The following TEX2 variants were observed in gnomAD, a reference collection of about 807,000 sequenced individuals.
TEX2 encodes testis expressed 2, also known as testis-expressed protein 2.
Under a neutral mutation model 106.9 loss-of-function variants are expected in TEX2, and 53 were observed. The ratio of observed to expected loss-of-function variants is 0.50; its 90% CI spans 0.40 to 0.62. The LOEUF (loss-of-function observed/expected upper bound fraction) is 0.62, where lower values mean the gene tolerates loss of function less well. Ranked by LOEUF, TEX2 falls within the 20% of genes least tolerant of loss-of-function variation. The pLI, the probability that TEX2 is intolerant of heterozygous loss-of-function variation, is 0.00. For missense variants in TEX2, 1,207 were observed against 1,379.0 expected (o/e 0.88, Z 1.98); for synonymous variants, 523 against 534.8 (o/e 0.98, Z 0.30).
chr17:64,158,552 G>C (rs1016401579), intron 8 of TEX2, among the ~76,000 whole-genome samples: 2 of 152,198 alleles, frequency 1.3e-5, no homozygotes, highest in Non-Finnish European at 2.9e-5. Context: ...CAGCTAATAA[G>C]TATGCTGACC....
chr17:64,222,258 C>T (rs922895467), intron 1 of TEX2, among the ~76,000 whole-genome samples: 3 of 152,042 alleles, frequency 2.0e-5, no homozygotes, highest in African/African-American at 7.2e-5. Context: ...CGGTGGCTCA[C>T]GCTTGTAATC....
chr17:64,193,435 G>T, intron 4 of TEX2, 124 bp downstream of exon 4: 2 of 730,060 alleles, frequency 2.7e-6, no homozygotes, highest in Non-Finnish European at 4.2e-6. Flanking sequence ...TGCACATTAG[G>T]TGGCAGACAA....
At chr17:64,190,284 C>T (rs1353583883) in intron 4 of TEX2, among the ~76,000 whole-genome samples, 1 of 151,690 alleles carries the variant, frequency 6.6e-6, no homozygotes, top group Non-Finnish European at 1.5e-5. Context: ...TAGATGTAAA[C>T]TAATATTACA....
chr17:64,242,826 C>G (rs942307485), intron 1 of TEX2, among the ~76,000 whole-genome samples: 1 of 152,070 alleles, frequency 6.6e-6, no homozygotes, highest in East Asian at 1.9e-4. Flanking sequence ...GGGCTCATAC[C>G]TATGATCCCA....
At chr17:64,204,521 A>G (rs1555630535) in intron 2 of TEX2, among the ~76,000 whole-genome samples, 1 of 152,228 alleles carries the variant, frequency 6.6e-6, no homozygotes, top group Non-Finnish European at 1.5e-5. Context: ...TCTCAACTAG[A>G]AAGAGCAAAG....
intron 1 of TEX2, among the ~76,000 whole-genome samples, chr17:64,233,941 T>C (rs2143337485): frequency 6.6e-6 from 1 of 152,300 alleles, no homozygotes; most frequent in Admixed American, 6.5e-5. Flanking sequence ...TCCTGGGACG[T>C]GGTCCTAACC....
chr17:64,178,890 T>A (rs1373853225), intron 5 of TEX2, among the ~76,000 whole-genome samples: 1 of 152,226 alleles, frequency 6.6e-6, no homozygotes, highest in Non-Finnish European at 1.5e-5. Flanking sequence ...TGTGCCTGGG[T>A]CAGTGCTGTG....
chr17:64,253,423 C>G (rs576471083), intron 1 of TEX2, among the ~76,000 whole-genome samples: 1 of 151,962 alleles, frequency 6.6e-6, no homozygotes, highest in East Asian at 1.9e-4. Flanking sequence ...CCTCAGCCTC[C>G]CCAAGTGTTG....
At chr17:64,182,169 T>TA (rs1284764170) in intron 5 of TEX2, among the ~76,000 whole-genome samples, 6 of 152,146 alleles carry the variant, frequency 3.9e-5, no homozygotes, top group Admixed American at 1.3e-4. Context: ...GATTCTGACT[T>TA]ACGCTACCAC....
At chr17:64,177,875 G>C (rs1009576923) in intron 5 of TEX2, among the ~76,000 whole-genome samples, 1 of 152,126 alleles carries the variant, frequency 6.6e-6, no homozygotes, top group African/African-American at 2.4e-5. Context: ...GTGCTCATCC[G>C]GGCAGACGCC....
In TEX2 at chr17:64,181,857, T is replaced by C. The variant is rs1285110527; in HGVS notation, c.2425-4386A>G. ...TTTTTTTTACAGTTTTACTTAGATA[T>C]AATTCATAGATCATACAATTTTTCC... On this transcript the variant is annotated intron_variant, in intron 5 of 11. Coordinates refer to ENST00000584379, the MANE Select transcript of TEX2 (RefSeq NM_001288732.2). 2.0e-5 allele frequency among the ~76,000 whole-genome samples: 3 copies of C among 151,286 alleles called. No individual in the cohort carries two copies. The East Asian group carries it at 5.8e-4, about 29-fold the overall frequency.
intron 2 of TEX2, among the ~76,000 whole-genome samples, chr17:64,210,969 T>C (rs1029046398): frequency 2.0e-5 from 3 of 151,874 alleles, no homozygotes; most frequent in African/African-American, 4.8e-5. Context: ...ATTATTATTA[T>C]TATTATTTTT....
intron 1 of TEX2, among the ~76,000 whole-genome samples, chr17:64,219,411 C>T (rs529885096): frequency 1.0e-3 from 154 of 152,010 alleles, no homozygotes; most frequent in Non-Finnish European, 1.1e-3. Flanking sequence ...GAGGCTGAGA[C>T]ACAAGAATCG....
intron 6 of TEX2, among the ~76,000 whole-genome samples, chr17:64,174,882 G>C (rs905956700): frequency 2.0e-5 from 3 of 152,182 alleles, no homozygotes; most frequent in Non-Finnish European, 4.4e-5. Flanking sequence ...TGCACACACA[G>C]GGCTGCTTTT....
intron 1 of TEX2, among the ~76,000 whole-genome samples, chr17:64,234,099 A>G (rs2033716323): frequency 6.6e-6 from 1 of 152,258 alleles, no homozygotes; most frequent in South Asian, 2.1e-4. Context: ...AAGTGGAATA[A>G]AAAAGAAACG....
At chr17:64,251,774 A>G (rs1384957857) in intron 1 of TEX2, among the ~76,000 whole-genome samples, 1 of 152,154 alleles carries the variant, frequency 6.6e-6, no homozygotes, top group Non-Finnish European at 1.5e-5. Context: ...AACAGCAGGA[A>G]GCCTCCCCTG....
intron 7 of TEX2, 98 bp from the exon 8 acceptor site, chr17:64,161,031 T>G (rs966197263): frequency 1.8e-5 from 23 of 1,303,548 alleles, no homozygotes; most frequent in Non-Finnish European, 2.4e-5. Flanking sequence ...GGCACCATAC[T>G]GAAAGTCCAT....
chr17:64,220,486 C>G (rs1335400870), intron 1 of TEX2, among the ~76,000 whole-genome samples: 1 of 151,980 alleles, frequency 6.6e-6, no homozygotes. Flanking sequence ...CCAGAATCTA[C>G]AAGGAACCTA....
chr17:64,153,544 C>T lies in TEX2; in HGVS notation c.2931-390G>A, dbSNP rs993409045. Among the ~76,000 whole-genome samples the T allele has an allele frequency of 3.3e-5, 5 of 152,218 alleles. No homozygotes were observed. Among genetic ancestry groups the T allele is most frequent in the African/African-American group, 4.8e-5 (2 of 41,450 alleles). Reference sequence around the variant, plus strand: ...GGTTTCTCACCTGTCCTCCTTTATACTACTCCAATACCAGACAGAAATCCA... The same window carrying T: ...GGTTTCTCACCTGTCCTCCTTTATATTACTCCAATACCAGACAGAAATCCA... On this transcript the variant is annotated intron_variant, in intron 9 of 11. Coordinates refer to ENST00000584379, the MANE Select transcript of TEX2 (RefSeq NM_001288732.2). This position sits in a 1 kb window ranked among gnomAD's most constrained non-coding sequence, Gnocchi z 4.1.
Sources: allele counts gnomAD v4.1 joint callset (sites outside exome capture counted in the v4.1 genomes callset), GRCh38; gene constraint gnomAD v4.1.1; non-coding constraint Gnocchi (gnomAD v3.1); transcripts MANE v1.5; gene names NCBI Gene and HGNC (gene_info 2026-07-23, HGNC 2026-07-21).